The following UST variants were observed in gnomAD, a reference collection of about 807,000 sequenced individuals.
UST encodes uronyl 2-sulfotransferase.
In UST, 21 loss-of-function variants were observed where a neutral mutation model predicts 45.6. The observed-to-expected ratio is 0.46, with a 90% CI of 0.33 to 0.66. The LOEUF (loss-of-function observed/expected upper bound fraction) is 0.66, where lower values mean the gene tolerates loss of function less well. UST is among the 30% of genes least tolerant of loss of function. The pLI is 0.02. For synonymous variants in UST, 215 were observed against 200.6 expected, an observed-to-expected ratio of 1.07 and a Z score of -0.61; for missense variants, 463 against 512.4, an observed-to-expected ratio of 0.90 and a Z score of 0.93.
intron 7 of UST, among the ~76,000 whole-genome samples, chr6:149,050,178 AT>A (rs926422458): frequency 6.6e-6 from 1 of 152,236 alleles, no homozygotes; most frequent in African/African-American, 2.4e-5. Flanking sequence ...AAGGTAGCTC[AT>A]AGATCTTTTC....
rs1296569154 is a variant in UST, at chr6:149,054,490, T to A, written c.938-19343T>A. ...CAATCTTCTGTGGTTCCAGATACTG[T>A]GTGCATCTTACAGGCTGGAGTTGGG... On this transcript the variant is annotated intron_variant, in intron 7 of 7. Coordinates refer to ENST00000367463, the MANE Select transcript of UST (RefSeq NM_005715.3). Among the ~76,000 whole-genome samples, 4 of 152,218 alleles carry A rather than the reference T, an allele frequency of 2.6e-5. No individual in the cohort carries two copies. In the East Asian group the frequency reaches 7.7e-4, roughly 29 times the overall value.
intron 5 of UST, among the ~76,000 whole-genome samples, chr6:149,001,657 A>G (rs1781551966): frequency 6.6e-6 from 1 of 152,218 alleles, no homozygotes; most frequent in African/African-American, 2.4e-5. Flanking sequence ...CCTTTTTCAG[A>G]CACAGAGAGT....
In UST at chr6:148,756,625, C is replaced by CA. The variant is rs1202538977; in HGVS notation, c.247+8950dup. Among the ~76,000 whole-genome samples the CA allele has an allele frequency of 9.9e-5, 15 of 152,280 alleles. No individual in the cohort carries two copies. In the East Asian group the frequency reaches 2.5e-3, roughly 25 times the overall value. ...CTGATTGTTTAGGAAGGTACAATTC[C>CA]AATTAGGATCTCTAAACTCCTGTAA... On this transcript the variant is annotated intron_variant, in intron 1 of 7. Coordinates refer to ENST00000367463, the MANE Select transcript of UST (RefSeq NM_005715.3).
At chr6:149,007,747 G>A (rs111340306) in intron 5 of UST, among the ~76,000 whole-genome samples, 20 of 152,054 alleles carry the variant, frequency 1.3e-4, no homozygotes, top group African/African-American at 4.8e-4. Context: ...TTAAGACAGG[G>A]GGTTTTTTTT....
intron 1 of UST, among the ~76,000 whole-genome samples, chr6:148,882,732 G>A (rs1189216130): frequency 6.6e-6 from 1 of 152,200 alleles, no homozygotes; most frequent in African/African-American, 2.4e-5. Flanking sequence ...TACTGGAGAT[G>A]TGGGTAAAAT....
chr6:148,985,934 G>A (rs1032290836), intron 5 of UST, among the ~76,000 whole-genome samples: 1 of 152,212 alleles, frequency 6.6e-6, no homozygotes, highest in East Asian at 1.9e-4. Flanking sequence ...GGGAAAAGGA[G>A]GCAGGAAGAG....
At chr6:149,027,383 C>T (rs1776065099) in intron 7 of UST, among the ~76,000 whole-genome samples, 1 of 152,192 alleles carries the variant, frequency 6.6e-6, no homozygotes, top group African/African-American at 2.4e-5. Context: ...AGTTCTTTGT[C>T]TGCCATGGGT....
intron 1 of UST, among the ~76,000 whole-genome samples, chr6:148,867,097 G>A (rs1482516077): frequency 1.3e-5 from 2 of 152,028 alleles, no homozygotes; most frequent in Non-Finnish European, 2.9e-5. Context: ...TCACATCCAC[G>A]TAACCCCAGG....
At chr6:148,988,786 A>G (rs1052329224) in intron 5 of UST, among the ~76,000 whole-genome samples, 3 of 151,884 alleles carry the variant, frequency 2.0e-5, no homozygotes, top group African/African-American at 7.3e-5. Context: ...CCGCTTCATC[A>G]TTTCCAAGTC....
At chr6:148,989,374 T>C (rs1258820698) in intron 5 of UST, among the ~76,000 whole-genome samples, 1 of 152,226 alleles carries the variant, frequency 6.6e-6, no homozygotes, top group Non-Finnish European at 1.5e-5. Flanking sequence ...ATCCAAGTCC[T>C]GAATTTCTAT....
At chr6:148,953,030 A>G (rs1180438660) in intron 3 of UST, among the ~76,000 whole-genome samples, 1 of 152,218 alleles carries the variant, frequency 6.6e-6, no homozygotes, top group Non-Finnish European at 1.5e-5. Flanking sequence ...GCAAATAAAT[A>G]ATTCAGATGA....
In UST at chr6:149,058,761, A is replaced by G. The variant is rs555648622; in HGVS notation, c.938-15072A>G. Among the ~76,000 whole-genome samples, 14 of 152,328 alleles carry G rather than the reference A, an allele frequency of 9.2e-5. 1 individual carries two copies. The East Asian group carries it at 1.9e-3, about 21-fold the overall frequency. ...TGATAAAGACATAGTAATTCTCCCAATAAGTTTTTTTTAGAAGTAGATATT... is the reference window on the plus strand; with the variant it reads ...TGATAAAGACATAGTAATTCTCCCAGTAAGTTTTTTTTAGAAGTAGATATT... On this transcript the variant is annotated intron_variant, in intron 7 of 7. Coordinates refer to ENST00000367463, the MANE Select transcript of UST (RefSeq NM_005715.3).
intron 7 of UST, among the ~76,000 whole-genome samples, chr6:149,071,954 A>G (rs969514254): frequency 6.6e-6 from 1 of 152,334 alleles, no homozygotes; most frequent in African/African-American, 2.4e-5. Flanking sequence ...CAGCATCACT[A>G]CAGGAGTCAT....
intron 1 of UST, among the ~76,000 whole-genome samples, chr6:148,762,991 ATGAT>A (rs1416857158): frequency 6.6e-6 from 1 of 152,162 alleles, no homozygotes; most frequent in African/African-American, 2.4e-5. Flanking sequence ...ATTTGATAGA[ATGAT>A]TCTTTTCCTT....
intron 2 of UST, among the ~76,000 whole-genome samples, chr6:148,940,482 G>T (rs887919798): frequency 1.3e-5 from 2 of 152,094 alleles, no homozygotes; most frequent in African/African-American, 4.8e-5. Context: ...AGAAGAGTGA[G>T]ACCCTGTCTA....
At chr6:149,044,226 A>C (rs896416964) in intron 7 of UST, among the ~76,000 whole-genome samples, 1 of 152,200 alleles carries the variant, frequency 6.6e-6, no homozygotes, top group Non-Finnish European at 1.5e-5. Flanking sequence ...GTTTTGCTAA[A>C]CATTTCCCTC....
At chr6:148,793,600 C>T (rs1188660445) in intron 1 of UST, among the ~76,000 whole-genome samples, 1 of 152,178 alleles carries the variant, frequency 6.6e-6, no homozygotes, top group Non-Finnish European at 1.5e-5. Context: ...ACCAGCATCA[C>T]CACCAACAGG....
intron 4 of UST, among the ~76,000 whole-genome samples, chr6:148,963,868 C>T (rs1006714703): frequency 7.2e-5 from 11 of 152,182 alleles, no homozygotes; most frequent in Admixed American, 3.3e-4. Context: ...AGGTGAATAG[C>T]GAGTGCTCAG....
At chr6:148,782,977 T>C (rs894281632) in intron 1 of UST, among the ~76,000 whole-genome samples, 30 of 152,218 alleles carry the variant, frequency 2.0e-4, no homozygotes, top group Admixed American at 1.8e-3. Context: ...ATGGAGATCT[T>C]TCGTGAAAAG....
Sources: allele counts gnomAD v4.1 joint callset (sites outside exome capture counted in the v4.1 genomes callset), GRCh38; gene constraint gnomAD v4.1.1; transcripts MANE v1.5; gene names NCBI Gene and HGNC (gene_info 2026-07-23, HGNC 2026-07-21).